The following GPM6A variants were observed in gnomAD, a reference collection of about 807,000 sequenced individuals.
GPM6A encodes the protein neuronal membrane glycoprotein M6-a.
GPM6A carries 7 observed loss-of-function variants against 32.1 expected under a neutral mutation model. The ratio of observed to expected loss-of-function variants is 0.22; its 90% CI spans 0.12 to 0.41. The LOEUF (loss-of-function observed/expected upper bound fraction) is 0.41. Among genes scored for constraint, GPM6A ranks in the 10% least tolerant of loss-of-function variants. The pLI is 1.00. For synonymous variants in GPM6A, 130 were observed against 123.4 expected (o/e 1.05, Z -0.35); for missense variants, 235 against 347.2 (o/e 0.68, Z 2.57).
intron 1 of GPM6A, among the ~76,000 whole-genome samples, chr4:175,749,606 T>C (rs1732241063): frequency 6.6e-6 from 1 of 152,196 alleles, no homozygotes; most frequent in African/African-American, 2.4e-5. Flanking sequence ...TTTTGATATG[T>C]TTCATTTCTC....
chr4:175,743,959 C>CA (rs71593723), intron 1 of GPM6A, among the ~76,000 whole-genome samples: 7,654 of 115,822 alleles, frequency 0.066, 234 homozygotes, highest in East Asian at 0.11. Flanking sequence ...TCTAATAGGA[C>CA]AAAAAAAAAA....
chr4:175,685,929 G>T (rs912097840), intron 2 of GPM6A, among the ~76,000 whole-genome samples: 3 of 152,132 alleles, frequency 2.0e-5, no homozygotes, highest in African/African-American at 7.2e-5. Flanking sequence ...GTGTGTGTGT[G>T]TGTGTGTGTG....
intron 1 of GPM6A, among the ~76,000 whole-genome samples, chr4:175,995,661 A>G (rs2126468490): frequency 6.6e-6 from 1 of 152,336 alleles, no homozygotes; most frequent in East Asian, 1.9e-4. Context: ...GTTGGGACCC[A>G]GGAATCAGTA....
At chr4:175,654,431 T>C (rs745651017) in intron 3 of GPM6A, 41 of 152,172 alleles carry the variant, frequency 2.7e-4, no homozygotes, top group Non-Finnish European at 5.3e-4. Flanking sequence ...GCATTTAGCA[T>C]TGAAACTTGT....
intron 4 of GPM6A, among the ~76,000 whole-genome samples, chr4:175,650,330 A>G (rs560187858): frequency 3.0e-4 from 44 of 149,138 alleles, no homozygotes; most frequent in Admixed American, 2.2e-3. Context: ...TTTGAGATGG[A>G]GTCTCACTCT....
chr4:175,785,483 G>C (rs1183219554), intron 1 of GPM6A, among the ~76,000 whole-genome samples: 1 of 152,184 alleles, frequency 6.6e-6, no homozygotes, highest in Non-Finnish European at 1.5e-5. Flanking sequence ...GCTGTTGGGA[G>C]AATAGAATTA....
At chr4:175,766,626 G>A (rs1732977355) in intron 1 of GPM6A, among the ~76,000 whole-genome samples, 1 of 148,560 alleles carries the variant, frequency 6.7e-6, no homozygotes, top group Non-Finnish European at 1.5e-5. Context: ...CTAATGATGT[G>A]TTAGAAGATC....
intron 1 of GPM6A, among the ~76,000 whole-genome samples, chr4:175,982,911 T>C (rs1262079892): frequency 2.0e-5 from 3 of 152,194 alleles, no homozygotes; most frequent in Admixed American, 6.5e-5. Context: ...CATGGCTATT[T>C]TGTATTTTTC....
chr4:175,983,533 G>A (rs1014597453), intron 1 of GPM6A, among the ~76,000 whole-genome samples: 21 of 152,116 alleles, frequency 1.4e-4, no homozygotes, highest in Admixed American at 1.4e-3. Context: ...TGTCTATTGT[G>A]GTGATTATAA....
intron 1 of GPM6A, among the ~76,000 whole-genome samples, chr4:175,903,140 G>A (rs1738021518): frequency 6.6e-6 from 1 of 152,062 alleles, no homozygotes; most frequent in Admixed American, 6.6e-5. Flanking sequence ...ATAATGATAA[G>A]CTGGAATCTC....
intron 1 of GPM6A, among the ~76,000 whole-genome samples, chr4:175,727,160 A>T (rs1731201982): frequency 6.6e-6 from 1 of 152,214 alleles, no homozygotes; most frequent in African/African-American, 2.4e-5. Context: ...GCACTAATTG[A>T]CATTATGTCA....
At chr4:175,899,191 T>C (rs1189130334) in intron 1 of GPM6A, among the ~76,000 whole-genome samples, 1 of 152,242 alleles carries the variant, frequency 6.6e-6, no homozygotes, top group Non-Finnish European at 1.5e-5. Flanking sequence ...CTGTATTATG[T>C]AATTTTGTAT....
At chr4:175,975,899 T>C (rs1208860949) in intron 1 of GPM6A, among the ~76,000 whole-genome samples, 6 of 152,158 alleles carry the variant, frequency 3.9e-5, no homozygotes. Flanking sequence ...TAAATGATTT[T>C]CATCTGCTTA....
chr4:175,786,540 G>T (rs1257434754), intron 1 of GPM6A, among the ~76,000 whole-genome samples: 4 of 151,850 alleles, frequency 2.6e-5, no homozygotes, highest in Non-Finnish European at 4.4e-5. Context: ...TCTAAAATAA[G>T]ACATTTTTTC....
intron 1 of GPM6A, among the ~76,000 whole-genome samples, chr4:175,755,745 T>C (rs2643993): frequency 0.011 from 1,708 of 152,308 alleles, 37 homozygotes; most frequent in African/African-American, 0.039. Context: ...TAGGTAATTA[T>C]GTAGTGTTCC....
At chr4:175,728,581 A>G (rs1731280564) in intron 1 of GPM6A, among the ~76,000 whole-genome samples, 1 of 152,166 alleles carries the variant, frequency 6.6e-6, no homozygotes, top group South Asian at 2.1e-4. Context: ...AGTACTGCTA[A>G]GTAATCATGT....
In GPM6A at chr4:175,882,222, A is replaced by G. The variant is rs1251625268; in HGVS notation, c.-22-69973T>C. On this transcript the variant is annotated intron_variant, in intron 1 of 7. Coordinates refer to the GPM6A transcript ENST00000280187. ...AGGTAGCGTGCCTCTAAAAATATCA[A>G]TTACTATTTTTAGTCACATAAATTT... 3.3e-5 allele frequency among the ~76,000 whole-genome samples: 5 copies of G among 152,122 alleles called. No homozygotes were observed. The East Asian group carries it at 7.7e-4, about 24-fold the overall frequency.
intron 1 of GPM6A, among the ~76,000 whole-genome samples, chr4:175,866,889 ATGAG>A (rs374979076): frequency 1.4e-3 from 215 of 152,304 alleles, no homozygotes; most frequent in African/African-American, 4.7e-3. Flanking sequence ...CCAGCAATGA[ATGAG>A]TGTTTTGGAT....
At chr4:175,690,919 A>G (rs573192475) in intron 2 of GPM6A, among the ~76,000 whole-genome samples, 1 of 152,370 alleles carries the variant, frequency 6.6e-6, no homozygotes, top group Non-Finnish European at 1.5e-5. Flanking sequence ...ATTCTTAGGT[A>G]AAGTTTTTCT....
Sources: gnomAD v4.1 joint callset for allele counts (sites outside exome capture counted in the v4.1 genomes callset) on GRCh38, gnomAD v4.1.1 for gene constraint, MANE v1.5 for transcripts, NCBI Gene and HGNC (gene_info 2026-07-23, HGNC 2026-07-21) for gene names.